The following PLEC variants were observed in gnomAD, a reference collection of about 807,000 sequenced individuals.
The protein encoded by PLEC is plectin, also known as hemidesmosomal protein 1.
A neutral mutation model predicts 392.8 loss-of-function variants in PLEC; 216 were observed. That is an observed-to-expected ratio of 0.55 (90% CI 0.49 to 0.62). The LOEUF (loss-of-function observed/expected upper bound fraction) is 0.62. PLEC is among the 20% of genes least tolerant of loss of function. PLEC has a pLI of 0.00. For synonymous variants in PLEC, 3,621 were observed against 2,980.6 expected, an observed-to-expected ratio of 1.21 and a Z score of -7.00; for missense variants, 6,863 against 6,563.4, an observed-to-expected ratio of 1.05 and a Z score of -1.58.
upstream of PLEC, among the ~76,000 whole-genome samples, chr8:143,951,865 A>AC (rs1398189193): frequency 6.3e-4 from 91 of 143,698 alleles, no homozygotes; most frequent in African/African-American, 1.9e-3. Context: ...CCCATCATCC[A>AC]CCCCCCCCTC....
At position 143,924,951 on chromosome 8, in the gene PLEC, C is replaced by T. The variant is rs781997708; in HGVS notation, c.4978G>A (p.Ala1660Thr). 17 of 1,581,210 alleles carry T rather than the reference C, an allele frequency of 1.1e-5. No individual in the cohort carries two copies. In the Admixed American group the frequency reaches 2.7e-4, roughly 26 times the overall value. ...TCCTCCTTCTGCTTCTCAGCCTCGG[C>T]CTGCGCCAGGCTCTTCTGCTGCGCC... Reference protein sequence around the residue: ...EVAQQKSLAQAEAEKQKEEAE... With the variant: ...EVAQQKSLAQTEAEKQKEEAE... Residue 1660 changes from alanine (A) to threonine (T), a missense_variant, in exon 31 of 32, where the codon GCC becomes ACC. Ala to Thr is a moderately conservative substitution (Grantham distance 58). Coordinates refer to ENST00000345136, the MANE Select transcript of PLEC (RefSeq NM_201384.3).
At chr8:143,950,629 C>T (rs1832044746) in exon 1 of PLEC, 5 of 1,599,662 alleles carry the variant, frequency 3.1e-6, no homozygotes, top group Admixed American at 1.7e-5. Context: ...CCTTCTTGGC[C>T]ACCATCACGC....
chr8:143,943,798 C>G (rs1554730526), upstream of PLEC: 11 of 1,612,086 alleles, frequency 6.8e-6, no homozygotes, highest in Middle Eastern at 1.7e-4. Flanking sequence ...CCTGCGCCCA[C>G]CGACGTCCCC....
At chr8:143,942,921 A>G (rs565494613), upstream of PLEC, among the ~76,000 whole-genome samples, 1 of 152,276 alleles carries the variant, frequency 6.6e-6, no homozygotes, top group East Asian at 1.9e-4. Flanking sequence ...ACCAGGGAGT[A>G]GAGGCATCCT....
In PLEC at chr8:143,972,522, T is replaced by C. The variant is rs1194370374; in HGVS notation, c.70+881A>G. Among the ~76,000 whole-genome samples the C allele has an allele frequency of 6.6e-5, 10 of 152,178 alleles. 1 individual carries two copies. In the South Asian group the frequency reaches 2.1e-3, roughly 32 times the overall value. ...CACCACGGGGCCCCAGCAGGACCTC[T>C]CTCCCTGAGCTGCCCTTGGGGGCAG... On this transcript the variant is annotated intron_variant, in intron 1 of 31. Coordinates refer to the PLEC transcript ENST00000356346.
At position 143,929,404 on chromosome 8, in the gene PLEC, C is replaced by T. The variant is rs782698799; in HGVS notation, c.3081+10G>A. On this transcript the variant is annotated intron_variant, in intron 24 of 31. Transcript: ENST00000345136. ...AGGGATGGGACTGGATGGGGGGGGA[C>T]GGCCCCTGCCTGCTGCTCGGCGATG... 55 of 1,559,234 alleles carry T rather than the reference C, an allele frequency of 3.5e-5. No individual in the cohort carries two copies. Among genetic ancestry groups the T allele is most frequent in the South Asian group, 3.3e-4 (28 of 86,116 alleles).
chr8:143,967,590 G>A (rs1203184709), intron 1 of PLEC, among the ~76,000 whole-genome samples: 4 of 152,062 alleles, frequency 2.6e-5, no homozygotes, highest in Non-Finnish European at 4.4e-5. Flanking sequence ...ACTCCCCATG[G>A]ATACCAGAAT....
Position 143,920,350 on chromosome 8 carries a change from G to A in PLEC, c.9471C>T (p.Ala3157=). ...CCTCATCCAGGCAGCCTCGGGCGCA[G>A]GCGACATCCAGGGGCACGCGGTGGC... ...SKSHRVPLDV[A]CARGCLDEET... is the part of the protein sequence containing the mutation. Residue 3157 remains alanine, a synonymous_variant, in exon 32 of 32, where the codon GCC becomes GCT. Transcript: ENST00000345136. The A allele has an allele frequency of 6.3e-7, 1 of 1,595,138 alleles. No individual in the cohort carries two copies. Among genetic ancestry groups the A allele is most frequent in the Non-Finnish European group, 8.5e-7 (1 of 1,175,800 alleles).
chr8:143,958,724 A>G (rs372865249), upstream of PLEC: 9 of 443,080 alleles, frequency 2.0e-5, no homozygotes, highest in African/African-American at 1.6e-4. This position sits in a 1 kb window ranked among gnomAD's most constrained non-coding sequence, Gnocchi z 4.9. Flanking sequence ...GGACCTCGCC[A>G]GGCCTCTGTG....
upstream of PLEC, among the ~76,000 whole-genome samples, chr8:143,951,143 T>C (rs1236595272): frequency 2.0e-5 from 3 of 151,512 alleles, no homozygotes; most frequent in Non-Finnish European, 4.4e-5. Flanking sequence ...TCAAGGTCCC[T>C]AAGACTGTGC....
upstream of PLEC, chr8:143,942,447 G>T: frequency 3.7e-6 from 6 of 1,602,734 alleles, no homozygotes; most frequent in Non-Finnish European, 5.1e-6. Context: ...CGCAGCCCCC[G>T]TCCAGCCAGC....
chr8:143,925,391 G>A lies in PLEC; in HGVS notation c.4538C>T (p.Ala1513Val), dbSNP rs782607329. ...CACGCGCGAGGCCAGCTCCACCTCC[G>A]CCTGCCGCTTACGCTGGCTCTCGTC... is the stretch of plus-strand genomic sequence containing the variant. ...VQDESQRKRQ[A>V]EVELASRVKA... Residue 1513 changes from alanine to valine, a missense_variant, in exon 31 of 32, where the codon GCG becomes GTG. Ala to Val is a moderately conservative substitution (Grantham distance 64). Coordinates refer to ENST00000345136, the MANE Select transcript of PLEC (RefSeq NM_201384.3). 4.4e-6 allele frequency: 7 copies of A among 1,580,350 alleles called. No homozygotes were observed. Among genetic ancestry groups the A allele is most frequent in the Admixed American group, 1.7e-5 (1 of 58,036 alleles).
chr8:143,934,009 G>C lies in PLEC; in HGVS notation c.1252C>G (p.Leu418Val), dbSNP rs782155361. The C allele has an allele frequency of 1.0e-5, 16 of 1,606,816 alleles. No homozygotes were observed. The Admixed American group carries it at 1.5e-4, about 15-fold the overall frequency. Residue 418 changes from leucine to valine, a missense_variant, in exon 12 of 32, where the codon CTG becomes GTG. Leu to Val is a conservative substitution (Grantham distance 32, BLOSUM62 1). Transcript: ENST00000345136. ...CEEQLNQADA[L>V]LQSDVRLLAA... is the part of the protein sequence containing the mutation. ...CCACACCCCCTCACCGACTGCAGCA[G>C]GGCGTCGGCCTGGTTCAGCTGCTCC... is the stretch of plus-strand genomic sequence containing the variant.
At chr8:143,960,314 A>T (rs782571273) in intron 1 of PLEC, among the ~76,000 whole-genome samples, 1 of 151,404 alleles carries the variant, frequency 6.6e-6, no homozygotes, top group Non-Finnish European at 1.5e-5. Flanking sequence ...TAAAATAAAC[A>T]ATAAAATAAA....
Position 143,921,953 on chromosome 8 carries a change from G to A in PLEC, c.7868C>T (p.Thr2623Ile), listed in dbSNP as rs1554687787. The A allele has an allele frequency of 1.3e-6, 2 of 1,599,052 alleles. No homozygotes were observed. Residue 2623 changes from threonine to isoleucine, a missense_variant, in exon 32 of 32, where the codon ACA (threonine) becomes ATA (isoleucine). Physicochemically the swap from Thr to Ile is moderately conservative, Grantham distance 89. Transcript: ENST00000345136. Reference protein sequence around the residue: ...EEVTASQVAATKTLPNGRDAL... With the variant: ...EEVTASQVAAIKTLPNGRDAL... ...ATCCCGGCCATTGGGCAGGGTCTTTGTGGCAGCCACCTGCGAGGCAGTGAC... is the reference window on the plus strand; with the variant it reads ...ATCCCGGCCATTGGGCAGGGTCTTTATGGCAGCCACCTGCGAGGCAGTGAC...
intron 1 of PLEC, 110 bp from the exon 2 acceptor site, chr8:143,938,802 C>A: frequency 1.1e-6 from 1 of 922,926 alleles, no homozygotes; most frequent in South Asian, 1.3e-5. Flanking sequence ...GCCTGGGGAG[C>A]CCCAAAGCCT....
At chr8:143,943,682 G>T, upstream of PLEC, 2 of 1,170,822 alleles carry the variant, frequency 1.7e-6, no homozygotes, top group Non-Finnish European at 2.5e-6. Context: ...CATTCAGCTT[G>T]GAAACAGGAA....
At chr8:143,943,641 T>G, upstream of PLEC, 1 of 782,426 alleles carries the variant, frequency 1.3e-6, no homozygotes, top group Non-Finnish European at 2.1e-6. Context: ...CACTGCAGGG[T>G]GGGGTGGAGG....
At chr8:143,948,851 G>T (rs575251925) in intron 1 of PLEC, among the ~76,000 whole-genome samples, 2 of 152,376 alleles carry the variant, frequency 1.3e-5, no homozygotes, top group South Asian at 4.1e-4. Context: ...TGACCGGGGA[G>T]TGGGTGGGCA....
Sources: allele counts gnomAD v4.1 joint callset (sites outside exome capture counted in the v4.1 genomes callset), GRCh38; gene constraint gnomAD v4.1.1; non-coding constraint Gnocchi (gnomAD v3.1); transcripts MANE v1.5; gene names NCBI Gene and HGNC (gene_info 2026-07-23, HGNC 2026-07-21).